ADGRG6: variants seen among roughly 807,000 people sequenced by gnomAD.
The protein encoded by ADGRG6 is adhesion G protein-coupled receptor G6.
A neutral mutation model predicts 142.4 loss-of-function variants in ADGRG6; 84 were observed. The observed-to-expected ratio is 0.59, with a 90% CI of 0.49 to 0.71. The LOEUF is 0.71. ADGRG6 is among the 30% of genes least tolerant of loss of function. The pLI is 0.00. For missense variants in ADGRG6, 1,367 were observed against 1,466.6 expected (o/e 0.93, Z 1.11); for synonymous variants, 521 against 520.5 (o/e 1.00, Z -0.01).
At chr6:142,324,674 G>T (rs1464441255) in intron 2 of ADGRG6, among the ~76,000 whole-genome samples, 2 of 152,068 alleles carry the variant, frequency 1.3e-5, no homozygotes, top group Non-Finnish European at 2.9e-5. Flanking sequence ...GGTGGAAATG[G>T]AGCAGCAAAG....
At chr6:142,363,661 G>A (rs1235514529) in intron 2 of ADGRG6, among the ~76,000 whole-genome samples, 1 of 152,102 alleles carries the variant, frequency 6.6e-6, no homozygotes, top group Non-Finnish European at 1.5e-5. Flanking sequence ...TAGAATATGT[G>A]TTAATCCTGA....
At chr6:142,308,046 A>C (rs111889582) in intron 1 of ADGRG6, among the ~76,000 whole-genome samples, 2,942 of 152,142 alleles carry the variant, frequency 0.019, 98 homozygotes, top group African/African-American at 0.067. Flanking sequence ...ATATGAGATT[A>C]ATCTTGTTTA....
intron 6 of ADGRG6, among the ~76,000 whole-genome samples, chr6:142,386,996 C>T (rs1234980380): frequency 1.3e-5 from 2 of 152,262 alleles, no homozygotes; most frequent in East Asian, 3.9e-4. Context: ...AGACAGGGGA[C>T]CTGGCCAGGC....
chr6:142,357,372 G>A (rs1780496576), intron 2 of ADGRG6, among the ~76,000 whole-genome samples: 1 of 151,982 alleles, frequency 6.6e-6, no homozygotes, highest in Non-Finnish European at 1.5e-5. Flanking sequence ...TAGATGGATA[G>A]CATATTTAAA....
At chr6:142,358,756 T>G (rs577280992) in intron 2 of ADGRG6, among the ~76,000 whole-genome samples, 1 of 151,452 alleles carries the variant, frequency 6.6e-6, no homozygotes, top group Non-Finnish European at 1.5e-5. Flanking sequence ...AATACAAAAA[T>G]TAGCTGGGCA....
At chr6:142,378,275 C>T (rs996366629) in intron 4 of ADGRG6, among the ~76,000 whole-genome samples, 1 of 152,126 alleles carries the variant, frequency 6.6e-6, no homozygotes, top group Non-Finnish European at 1.5e-5. Flanking sequence ...CCCTTATCTC[C>T]CTTTGTCTTC....
intron 2 of ADGRG6, among the ~76,000 whole-genome samples, chr6:142,341,366 ATATATATTATATATATAC>A (rs1266435636): frequency 7.8e-6 from 1 of 128,232 alleles, no homozygotes; most frequent in Non-Finnish European, 1.6e-5. Context: ...TATTGTAAGA[ATATATATTATATATATAC>A]TATATATTAT....
At position 142,405,529 on chromosome 6, in the gene ADGRG6, T is replaced by A. The variant is rs1775756645; in HGVS notation, c.2128-159T>A. On this transcript the variant is annotated intron_variant, in intron 14 of 24. Transcript: ENST00000367609. ...ATCTACAGCTCTGTCTGTAGGGGTTTATCCAGGAGTTGCAGTGACTACTGT... is the reference window on the plus strand; with the variant it reads ...ATCTACAGCTCTGTCTGTAGGGGTTAATCCAGGAGTTGCAGTGACTACTGT... The A allele has an allele frequency of 8.8e-6, 6 of 684,316 alleles. No individual in the cohort carries two copies. The Admixed American group carries it at 1.3e-4, about 15-fold the overall frequency. 42.4% of individuals were successfully genotyped at this position (684,316 alleles called of 1,614,324 possible). A position where few individuals can be genotyped will look rare whatever the true frequency, so the allele number is the denominator to read the frequency against.
chr6:142,334,316 A>C (rs1779206712), intron 2 of ADGRG6, among the ~76,000 whole-genome samples: 1 of 152,194 alleles, frequency 6.6e-6, no homozygotes, highest in Admixed American at 6.5e-5. Context: ...GAAAAACAAA[A>C]CTACTCCACA....
chr6:142,387,211 A>G (rs537047047), intron 6 of ADGRG6, among the ~76,000 whole-genome samples: 1 of 152,286 alleles, frequency 6.6e-6, no homozygotes, highest in East Asian at 1.9e-4. Context: ...TCTTGGACTA[A>G]TTATTATTCC....
At chr6:142,318,419 T>C (rs1778347988) in intron 2 of ADGRG6, among the ~76,000 whole-genome samples, 1 of 120,998 alleles carries the variant, frequency 8.3e-6, no homozygotes, top group African/African-American at 3.1e-5. Context: ...ATATATAATA[T>C]ATTTATATAT....
chr6:142,411,166 T>G (rs1362005541), intron 17 of ADGRG6, 139 bp from the exon 18 acceptor site: 1 of 554,268 alleles, frequency 1.8e-6, no homozygotes, highest in African/African-American at 1.9e-5. Flanking sequence ...CATTGAAAAC[T>G]TTCATAATGG....
intron 9 of ADGRG6, among the ~76,000 whole-genome samples, chr6:142,395,543 A>G (rs925990199): frequency 9.9e-5 from 15 of 151,928 alleles, no homozygotes; most frequent in African/African-American, 3.4e-4. Context: ...CACCTCAGAA[A>G]CTCTTCTTGA....
At chr6:142,428,316 A>C (rs1777050367) in intron 22 of ADGRG6, among the ~76,000 whole-genome samples, 1 of 151,956 alleles carries the variant, frequency 6.6e-6, no homozygotes, top group Non-Finnish European at 1.5e-5. Flanking sequence ...AATTGCCAAA[A>C]ATTATGTTAA....
rs1281786906 is a variant in ADGRG6, at chr6:142,397,697, A to C, written c.1509A>C (p.Lys503Asn). The change falls in exon 10 of 25, where the codon AAA (lysine) becomes AAC (asparagine). Residue 503 changes from lysine to asparagine, a missense_variant. Lys to Asn is a moderately conservative substitution (Grantham distance 94). This residue lies in a region of ADGRG6 where 737 missense variants were observed against 746.5 expected (regional missense o/e 0.99). Transcript: ENST00000367609. Reference protein sequence around the residue: ...EGKIIQQKLLKNNESLDEGLR... With the variant: ...EGKIIQQKLLNNNESLDEGLR... ...AAATCATTCAGCAGAAGCTCCTAAA[A>C]AATAATGAGTCCTTGGATGAAGGCT... is the stretch of plus-strand genomic sequence containing the variant. The C allele has an allele frequency of 2.6e-5, 42 of 1,608,914 alleles. No homozygotes were observed. Among genetic ancestry groups the C allele is most frequent in the Non-Finnish European group, 3.3e-5 (39 of 1,177,282 alleles).
intron 2 of ADGRG6, among the ~76,000 whole-genome samples, chr6:142,347,827 T>G (rs1779979970): frequency 6.6e-6 from 1 of 152,180 alleles, no homozygotes; most frequent in South Asian, 2.1e-4. Flanking sequence ...TAAGAAATAA[T>G]TCATCATAGC....
chr6:142,309,445 AT>A, intron 1 of ADGRG6, 98 bp from the exon 2 acceptor site: 1 of 697,338 alleles, frequency 1.4e-6, no homozygotes, highest in South Asian at 2.5e-5. Flanking sequence ...AAAAAGGTTT[AT>A]TTTCCAGTCC....
intron 22 of ADGRG6, among the ~76,000 whole-genome samples, chr6:142,430,000 A>T (rs1479212440): frequency 6.6e-6 from 1 of 152,168 alleles, no homozygotes; most frequent in African/African-American, 2.4e-5. Context: ...ACAGTGATTT[A>T]TAATCATGTT....
chr6:142,311,862 A>G (rs1761507379), intron 2 of ADGRG6, among the ~76,000 whole-genome samples: 1 of 151,916 alleles, frequency 6.6e-6, no homozygotes, highest in African/African-American at 2.4e-5. Context: ...CCTATCTCCT[A>G]TCCTCAAATC....
Sources: gnomAD v4.1 joint callset for allele counts (sites outside exome capture counted in the v4.1 genomes callset) on GRCh38, gnomAD v4.1.1 for gene constraint, gnomAD v4.1.1 regional missense constraint, MANE v1.5 for transcripts, NCBI Gene and HGNC (gene_info 2026-07-23, HGNC 2026-07-21) for gene names.